Variants in NTNG1 observed in about 807,000 individuals in gnomAD.
NTNG1 encodes the protein netrin-G1.
NTNG1 carries 16 observed loss-of-function variants against 54.0 expected under a neutral mutation model. The ratio of observed to expected loss-of-function variants is 0.30; its 90% CI spans 0.20 to 0.45. The LOEUF (loss-of-function observed/expected upper bound fraction) is 0.45. Ranked by LOEUF, NTNG1 falls within the 20% of genes least tolerant of loss-of-function variation. The pLI is 1.00. For missense variants in NTNG1, 530 were observed against 678.7 expected, an observed-to-expected ratio of 0.78 and a Z score of 2.43; for synonymous variants, 255 against 263.1, an observed-to-expected ratio of 0.97 and a Z score of 0.30.
At chr1:107,344,859 T>TCC (rs1669118350) in intron 3 of NTNG1, among the ~76,000 whole-genome samples, 1 of 152,178 alleles carries the variant, frequency 6.6e-6, no homozygotes, top group Non-Finnish European at 1.5e-5. Context: ...TAAGGTTAAT[T>TCC]TTTTAAACCT....
intron 2 of NTNG1, among the ~76,000 whole-genome samples, chr1:107,224,375 A>C (rs1307693342): frequency 2.0e-5 from 3 of 152,188 alleles, no homozygotes; most frequent in Non-Finnish European, 4.4e-5. Context: ...GATCTAAGAA[A>C]CACATTTTCA....
chr1:107,447,558 A>G (rs150531905), intron 7 of NTNG1, among the ~76,000 whole-genome samples: 28 of 152,262 alleles, frequency 1.8e-4, no homozygotes, highest in African/African-American at 5.1e-4. Context: ...TGATGTATGA[A>G]TTCCATATAG....
chr1:107,383,409 G>T (rs377005945), intron 3 of NTNG1, among the ~76,000 whole-genome samples: 1 of 152,044 alleles, frequency 6.6e-6, no homozygotes, highest in Non-Finnish European at 1.5e-5. Context: ...AATTATCATG[G>T]TATAGTTCAC....
intron 2 of NTNG1, among the ~76,000 whole-genome samples, chr1:107,234,584 A>G (rs1557832073): frequency 6.6e-6 from 1 of 152,154 alleles, no homozygotes; most frequent in African/African-American, 2.4e-5. Flanking sequence ...CCTCTATTGT[A>G]TGGATAAGAA....
intron 2 of NTNG1, among the ~76,000 whole-genome samples, chr1:107,163,676 C>G (rs1655567892): frequency 6.6e-6 from 1 of 152,114 alleles, no homozygotes; most frequent in African/African-American, 2.4e-5. Flanking sequence ...AAAATAATCA[C>G]TCATGGATAC....
At chr1:107,177,442 C>A (rs1365934193) in intron 2 of NTNG1, among the ~76,000 whole-genome samples, 1 of 152,022 alleles carries the variant, frequency 6.6e-6, no homozygotes, top group Non-Finnish European at 1.5e-5. Flanking sequence ...TCAAGCAATT[C>A]TCTTGCCTCA....
chr1:107,361,498 C>A (rs1308801514), intron 3 of NTNG1, among the ~76,000 whole-genome samples: 1 of 150,318 alleles, frequency 6.7e-6, no homozygotes, highest in South Asian at 2.1e-4. Context: ...AAGCAATTCT[C>A]CTGCCTCAGC....
chr1:107,401,371 G>A lies in NTNG1; in HGVS notation c.1060+6045G>A, dbSNP rs996222830. On this transcript the variant is annotated intron_variant, in intron 4 of 7. Coordinates refer to ENST00000370068, the MANE Select transcript of NTNG1 (RefSeq NM_001113226.3). ...GAAAACCGGAATACCAAGTTATTCA[G>A]GTACAACCACTGATCTATTGTCTGT... Among the ~76,000 whole-genome samples the A allele has an allele frequency of 2.6e-5, 4 of 152,224 alleles. No individual in the cohort carries two copies. The South Asian group carries it at 8.3e-4, about 32-fold the overall frequency.
intron 4 of NTNG1, among the ~76,000 whole-genome samples, chr1:107,401,768 C>T (rs1054340572): frequency 3.3e-5 from 5 of 151,276 alleles, no homozygotes; most frequent in Non-Finnish European, 5.9e-5. Flanking sequence ...AGAACGGTGG[C>T]GATGGGCCTG....
At chr1:107,219,717 G>C (rs1282012286) in intron 2 of NTNG1, among the ~76,000 whole-genome samples, 2 of 152,168 alleles carry the variant, frequency 1.3e-5, no homozygotes, top group African/African-American at 4.8e-5. Context: ...TGGTACCAGG[G>C]AATATCTGCA....
intron 5 of NTNG1, among the ~76,000 whole-genome samples, chr1:107,429,687 C>A (rs890905503): frequency 6.6e-6 from 1 of 152,092 alleles, no homozygotes; most frequent in African/African-American, 2.4e-5. Context: ...TTATAAATGT[C>A]CAACTAGGCC....
intron 2 of NTNG1, among the ~76,000 whole-genome samples, chr1:107,235,696 C>T (rs1661364294): frequency 6.6e-6 from 1 of 152,148 alleles, no homozygotes; most frequent in Admixed American, 6.5e-5. Flanking sequence ...ATACTCCTTC[C>T]ACTTTTGATC....
At chr1:107,205,788 C>G (rs1659147094) in intron 2 of NTNG1, among the ~76,000 whole-genome samples, 1 of 152,114 alleles carries the variant, frequency 6.6e-6, no homozygotes, top group Non-Finnish European at 1.5e-5. Flanking sequence ...CTCATGCCCT[C>G]TTCAACTGCC....
chr1:107,434,992 G>C (rs1029672822), intron 6 of NTNG1, among the ~76,000 whole-genome samples: 1 of 151,934 alleles, frequency 6.6e-6, no homozygotes, highest in South Asian at 2.1e-4. Flanking sequence ...GATATATTAT[G>C]GTTTAAATGT....
At position 107,237,987 on chromosome 1, in the gene NTNG1, C is replaced by T. The variant is rs191375248; in HGVS notation, c.247-86295C>T. 2.8e-4 allele frequency among the ~76,000 whole-genome samples: 43 copies of T among 152,186 alleles called. No individual in the cohort carries two copies. In the East Asian group the frequency reaches 7.7e-3, roughly 27 times the overall value. ...AGTGGAGCTGTGAGAAGAGGGCCAC[C>T]GTCCTCCAGATCCCAGAATGGTAGA... On this transcript the variant is annotated intron_variant, in intron 2 of 7. Coordinates refer to ENST00000370068, the MANE Select transcript of NTNG1 (RefSeq NM_001113226.3).
intron 2 of NTNG1, among the ~76,000 whole-genome samples, chr1:107,251,426 G>C (rs1662600017): frequency 6.6e-6 from 1 of 151,794 alleles, no homozygotes; most frequent in South Asian, 2.1e-4. Context: ...TTTTAAATTG[G>C]AATCACCATT....
chr1:107,176,742 C>T (rs946664153), intron 2 of NTNG1, among the ~76,000 whole-genome samples: 1 of 152,176 alleles, frequency 6.6e-6, no homozygotes, highest in African/African-American at 2.4e-5. Context: ...GCCCCCAATA[C>T]TACCAGTTTC....
chr1:107,430,947 T>TCTGTG, intron 6 of NTNG1, 30 bp downstream of exon 6: 1 of 1,604,784 alleles, frequency 6.2e-7, no homozygotes, highest in African/African-American at 1.3e-5. Flanking sequence ...CAGCTATTCT[T>TCTGTG]CTGTGCCTTT....
At chr1:107,247,898 G>A (rs774083096) in intron 2 of NTNG1, among the ~76,000 whole-genome samples, 1 of 152,198 alleles carries the variant, frequency 6.6e-6, no homozygotes, top group Non-Finnish European at 1.5e-5. Flanking sequence ...AGTGAAGTCA[G>A]TCTGGTGCTG....
Sources: gnomAD v4.1 joint callset for allele counts (sites outside exome capture counted in the v4.1 genomes callset) on GRCh38, gnomAD v4.1.1 for gene constraint, MANE v1.5 for transcripts, NCBI Gene and HGNC (gene_info 2026-07-23, HGNC 2026-07-21) for gene names.